GRIP1: variants seen among roughly 807,000 people sequenced by gnomAD.
GRIP1 encodes glutamate receptor interacting protein 1.
Under a neutral mutation model 129.9 loss-of-function variants are expected in GRIP1, and 45 were observed. The observed-to-expected ratio is 0.35, with a 90% CI of 0.27 to 0.44. The LOEUF (loss-of-function observed/expected upper bound fraction) is 0.44. Ranked by LOEUF, GRIP1 falls within the 20% of genes least tolerant of loss-of-function variation. The probability of loss-of-function intolerance (pLI) is 1.00; values close to 1 mark genes in which losing one functional copy is unlikely to be tolerated. For missense variants in GRIP1, 1,196 were observed against 1,396.8 expected, an observed-to-expected ratio of 0.86 and a Z score of 2.29; for synonymous variants, 530 against 520.8, an observed-to-expected ratio of 1.02 and a Z score of -0.24.
At chr12:66,388,657 A>C (rs2056459358) in intron 19 of GRIP1, among the ~76,000 whole-genome samples, 1 of 152,366 alleles carries the variant, frequency 6.6e-6, no homozygotes, top group East Asian at 1.9e-4. Flanking sequence ...CCTGGAGGCC[A>C]ACTGGAAGAA....
At chr12:66,455,378 G>A (rs1274660870) in intron 11 of GRIP1, 31 bp downstream of exon 11, 2 of 1,609,692 alleles carry the variant, frequency 1.2e-6, no homozygotes, top group South Asian at 1.1e-5. Context: ...TTTTTTCCAG[G>A]CCAAATGCCA....
chr12:67,055,935 A>G (rs902168717), intron 1 of GRIP1, among the ~76,000 whole-genome samples: 1 of 152,162 alleles, frequency 6.6e-6, no homozygotes, highest in Non-Finnish European at 1.5e-5. Context: ...TTGGAAGGAC[A>G]ATTCGTATGA....
rs577668727 is a variant in GRIP1 at position 66,660,661 on chromosome 12, T to C, written c.55+18189A>G. 1.6e-4 allele frequency among the ~76,000 whole-genome samples: 24 copies of C among 152,324 alleles called. No individual in the cohort carries two copies. The East Asian group carries it at 4.2e-3, about 27-fold the overall frequency. On this transcript the variant is annotated intron_variant, in intron 1 of 24. Coordinates refer to ENST00000359742, the MANE Select transcript of GRIP1 (RefSeq NM_001366722.1). The stretch of plus-strand genomic sequence containing the variant: ...ACCAGTTTCAGCCCATTGTTTCATA[T>C]GGCAGCACATAACACATTTCTGCTG...
upstream of GRIP1, chr12:66,679,293 G>C (rs2034485181): frequency 5.2e-6 from 2 of 383,312 alleles, no homozygotes; most frequent in African/African-American, 4.2e-5. Context: ...GATGTATCCA[G>C]TCAGTTCAGC....
intron 1 of GRIP1, among the ~76,000 whole-genome samples, chr12:66,711,443 A>G (rs1216305621): frequency 6.6e-6 from 1 of 151,914 alleles, no homozygotes. Context: ...GATCAATTTT[A>G]TCTCACCATA....
At chr12:66,394,833 G>C (rs1273655999) in intron 16 of GRIP1, among the ~76,000 whole-genome samples, 2 of 152,188 alleles carry the variant, frequency 1.3e-5, no homozygotes, top group Non-Finnish European at 2.9e-5. Flanking sequence ...ATTTTGCGAA[G>C]GGTTGGAACA....
intron 1 of GRIP1, among the ~76,000 whole-genome samples, chr12:66,909,897 C>A (rs78389758): frequency 0.038 from 5,835 of 152,222 alleles, 245 homozygotes; most frequent in African/African-American, 0.1. Flanking sequence ...AAAACTGGAT[C>A]AAAGGCCTTT....
chr12:66,405,253 AG>A lies in GRIP1; in HGVS notation c.1984+1029del, dbSNP rs143911813. On this transcript the variant is annotated intron_variant, in intron 16 of 24. Transcript: ENST00000359742. ...AGGCAAACAAACAAAAAGACTTGTA[AG>A]TATAATCAGCAGAACCATATTAATA... Among the ~76,000 whole-genome samples the A allele has an allele frequency of 3.1e-3, 473 of 152,338 alleles. 2 individuals are homozygous for A. Among genetic ancestry groups the A allele is most frequent in the African/African-American group, 0.011 (443 of 41,578 alleles).
At chr12:66,573,608 T>C (rs565939399) in intron 2 of GRIP1, among the ~76,000 whole-genome samples, 1 of 152,310 alleles carries the variant, frequency 6.6e-6, no homozygotes, top group African/African-American at 2.4e-5. Context: ...TAAGGCAGGC[T>C]AGCTCCAGAG....
At chr12:67,063,306 A>T (rs1028826288) in intron 1 of GRIP1, among the ~76,000 whole-genome samples, 2 of 152,198 alleles carry the variant, frequency 1.3e-5, no homozygotes, top group African/African-American at 4.8e-5. Context: ...CTTAAAGTTT[A>T]GTCGCTGTTG....
intron 20 of GRIP1, among the ~76,000 whole-genome samples, chr12:66,377,932 C>G (rs138842670): frequency 6.8e-6 from 1 of 148,114 alleles, no homozygotes; most frequent in Non-Finnish European, 1.5e-5. Flanking sequence ...CTACAAGGAA[C>G]GAGAAATCAA....
chr12:66,899,945 G>A (rs1250808886), intron 1 of GRIP1, among the ~76,000 whole-genome samples: 1 of 151,918 alleles, frequency 6.6e-6, no homozygotes, highest in Non-Finnish European at 1.5e-5. Flanking sequence ...GCCTGAAAAT[G>A]TCCTCTTGAA....
intron 1 of GRIP1, among the ~76,000 whole-genome samples, chr12:66,658,545 C>T (rs7969550): frequency 0.037 from 5,557 of 151,312 alleles, 329 homozygotes; most frequent in African/African-American, 0.13. Context: ...CGTGCCACTG[C>T]ACTCCAGGCT....
At chr12:66,356,019 A>G (rs1383077164) in intron 23 of GRIP1, among the ~76,000 whole-genome samples, 1 of 152,216 alleles carries the variant, frequency 6.6e-6, no homozygotes, top group Non-Finnish European at 1.5e-5. Context: ...CAAAGTGGCC[A>G]GGCAAGACAA....
chr12:66,437,806 G>A (rs1158934174), intron 13 of GRIP1, among the ~76,000 whole-genome samples: 1 of 152,114 alleles, frequency 6.6e-6, no homozygotes, highest in Non-Finnish European at 1.5e-5. Context: ...CTGCAACAAA[G>A]AATGTCAGTA....
chr12:66,509,662 C>A (rs1323003623), intron 7 of GRIP1, among the ~76,000 whole-genome samples: 1 of 152,072 alleles, frequency 6.6e-6, no homozygotes, highest in Non-Finnish European at 1.5e-5. Context: ...ATGGATGGAG[C>A]TGGAAGCCAT....
chr12:66,883,897 T>C (rs1475141109), intron 1 of GRIP1, among the ~76,000 whole-genome samples: 1 of 152,210 alleles, frequency 6.6e-6, no homozygotes, highest in Non-Finnish European at 1.5e-5. Context: ...TTCACAGCAT[T>C]ATAAAGATCA....
chr12:66,942,595 A>T (rs1421613056), intron 1 of GRIP1, among the ~76,000 whole-genome samples: 1 of 152,194 alleles, frequency 6.6e-6, no homozygotes, highest in Non-Finnish European at 1.5e-5. Flanking sequence ...TTCATGCAGC[A>T]TGGGTTAGTT....
At chr12:66,458,730 ATCTC>A (rs1233475898) in intron 9 of GRIP1, among the ~76,000 whole-genome samples, 8 of 152,244 alleles carry the variant, frequency 5.3e-5, no homozygotes, top group African/African-American at 1.9e-4. Flanking sequence ...GCCCCTGCCT[ATCTC>A]TCTAGTTTCA....
Sources: allele counts gnomAD v4.1 joint callset (sites outside exome capture counted in the v4.1 genomes callset), GRCh38; gene constraint gnomAD v4.1.1; transcripts MANE v1.5; gene names NCBI Gene and HGNC (gene_info 2026-07-23, HGNC 2026-07-21).